EEF1AKMT1: variants seen among roughly 807,000 people sequenced by gnomAD.
EEF1AKMT1 encodes the protein N-6 adenine-specific DNA methyltransferase 2 (putative).
Under a neutral mutation model 21.0 loss-of-function variants are expected in EEF1AKMT1, and 18 were observed. The observed-to-expected ratio is 0.86, with a 90% CI of 0.59 to 1.27. The LOEUF (loss-of-function observed/expected upper bound fraction) is 1.27, where lower values mean the gene tolerates loss of function less well. Among genes scored for constraint, EEF1AKMT1 ranks in the 50% most tolerant of loss-of-function variants. The pLI, the probability that EEF1AKMT1 is intolerant of heterozygous loss-of-function variation, is 0.00. For synonymous variants in EEF1AKMT1, 109 were observed against 94.8 expected, an observed-to-expected ratio of 1.15 and a Z score of -0.87; for missense variants, 246 against 258.6, an observed-to-expected ratio of 0.95 and a Z score of 0.33.
intron 2 of EEF1AKMT1, among the ~76,000 whole-genome samples, chr13:20,739,128 A>C (rs996344577): frequency 6.6e-6 from 1 of 152,080 alleles, no homozygotes; most frequent in African/African-American, 2.4e-5. Context: ...TACAACTCCT[A>C]AGATGGCACA....
intron 2 of EEF1AKMT1, among the ~76,000 whole-genome samples, chr13:20,739,103 C>T (rs974314789): frequency 1.3e-5 from 2 of 152,072 alleles, no homozygotes; most frequent in African/African-American, 2.4e-5. Flanking sequence ...AGCTGCAGAC[C>T]TTCGCCAAGA....
intron 4 of EEF1AKMT1, among the ~76,000 whole-genome samples, chr13:20,730,412 C>G (rs73435270): frequency 0.032 from 4,832 of 152,298 alleles, 220 homozygotes; most frequent in African/African-American, 0.093. Context: ...CCCGGAGGGA[C>G]TGGGGTATAG....
chr13:20,748,726 G>GTTGTTGTTGTTTTTT (rs2058924339), intron 2 of EEF1AKMT1, among the ~76,000 whole-genome samples: 1 of 72,620 alleles, frequency 1.4e-5, no homozygotes, highest in Non-Finnish European at 2.2e-5. Context: ...TTTTTTTTTG[G>GTTGTTGTTGTTTTTT]TTTTTTTTTT....
In EEF1AKMT1 at chr13:20,729,048, G is replaced by A; in HGVS notation, c.*32C>T. 7.4e-6 allele frequency: 12 copies of A among 1,612,736 alleles called. No homozygotes were observed. Among genetic ancestry groups the A allele is most frequent in the Non-Finnish European group, 9.3e-6 (11 of 1,178,960 alleles). On this transcript the variant is annotated 3_prime_UTR_variant, in exon 5 of 5. Coordinates refer to ENST00000382758, the MANE Select transcript of EEF1AKMT1 (RefSeq NM_001318939.2). The stretch of plus-strand genomic sequence containing the variant: ...AAATACAAAAAGAGGAATGTGACAG[G>A]GTTCCTTCCTGTGTTATGTCACCGT...
intron 2 of EEF1AKMT1, 125 bp from the exon 3 acceptor site, chr13:20,737,930 G>C (rs2058835498): frequency 2.0e-6 from 1 of 511,898 alleles, no homozygotes; most frequent in Non-Finnish European, 3.3e-6. Context: ...ATCTATACCA[G>C]TGGACAGATA....
rs373629478 is a variant in EEF1AKMT1 at position 20,760,036 on chromosome 13, C to T, written c.-19-2419G>A. On this transcript the variant is annotated intron_variant, in intron 1 of 4. Coordinates refer to ENST00000382758, the MANE Select transcript of EEF1AKMT1 (RefSeq NM_001318939.2). ...AGGAGAATGGCGCGAACCCGGGAGG[C>T]GGAGCTTGCAGTGAGCTGAGATTGC... Among the ~76,000 whole-genome samples, 134 of 137,598 alleles carry T rather than the reference C, an allele frequency of 9.7e-4. 3 individuals carry two copies. In the South Asian group the frequency reaches 0.029, roughly 30 times the overall value. 90.3% of individuals were successfully genotyped at this position (137,598 alleles called of 152,430 possible). A position where few individuals can be genotyped will look rare whatever the true frequency, so the allele number is the denominator to read the frequency against.
intron 2 of EEF1AKMT1, among the ~76,000 whole-genome samples, chr13:20,739,336 C>T (rs182518081): frequency 6.6e-6 from 1 of 152,206 alleles, no homozygotes; most frequent in Admixed American, 6.5e-5. Flanking sequence ...GCATGGAAGG[C>T]AACCCAAGAG....
rs548767598 is a variant in EEF1AKMT1 at position 20,738,454 on chromosome 13, G to C, written c.145-649C>G. 3.3e-5 allele frequency among the ~76,000 whole-genome samples: 5 copies of C among 152,296 alleles called. No individual in the cohort carries two copies. In the South Asian group the frequency reaches 1.0e-3, roughly 32 times the overall value. On this transcript the variant is annotated intron_variant, in intron 2 of 4. Transcript: ENST00000382758. ...GGAAGAAGTAGCATGGTTTTCCTCT[G>C]CAATCCTACAAACCTATTTCTCCAA...
chr13:20,730,639 T>A (rs1220959876), intron 4 of EEF1AKMT1, among the ~76,000 whole-genome samples: 1 of 152,138 alleles, frequency 6.6e-6, no homozygotes, highest in Non-Finnish European at 1.5e-5. Context: ...CAGCTGGACT[T>A]CCTGGGTCTA....
chr13:20,763,764 TG>T (rs2059013076), intron 1 of EEF1AKMT1, among the ~76,000 whole-genome samples: 1 of 152,180 alleles, frequency 6.6e-6, no homozygotes, highest in South Asian at 2.1e-4. Context: ...GAAAATTTCT[TG>T]TATGAGAGGC....
At chr13:20,764,209 C>T (rs931244198) in intron 1 of EEF1AKMT1, among the ~76,000 whole-genome samples, 2 of 152,088 alleles carry the variant, frequency 1.3e-5, no homozygotes, top group Admixed American at 1.3e-4. Context: ...GTGTTCAGTG[C>T]TTTAAATTCC....
At chr13:20,745,057 C>A (rs1296162088) in intron 2 of EEF1AKMT1, among the ~76,000 whole-genome samples, 1 of 152,086 alleles carries the variant, frequency 6.6e-6, no homozygotes, top group Non-Finnish European at 1.5e-5. Flanking sequence ...TCTGTTTTGG[C>A]AACAGTGCCA....
At chr13:20,763,833 T>C (rs758321212) in intron 1 of EEF1AKMT1, among the ~76,000 whole-genome samples, 18 of 152,206 alleles carry the variant, frequency 1.2e-4, no homozygotes, top group Non-Finnish European at 2.1e-4. Context: ...CAGTTTCATA[T>C]GGGGTGAGTT....
intron 1 of EEF1AKMT1, among the ~76,000 whole-genome samples, chr13:20,765,405 GT>G (rs1171165259): frequency 3.5e-3 from 204 of 58,662 alleles, no homozygotes; most frequent in African/African-American, 8.9e-3. Flanking sequence ...CTTCCCTTGG[GT>G]TTTTTTTTTT....
At chr13:20,737,409 CA>C (rs1470392980) in intron 3 of EEF1AKMT1, among the ~76,000 whole-genome samples, 2 of 151,934 alleles carry the variant, frequency 1.3e-5, no homozygotes, top group East Asian at 3.9e-4. Context: ...ATCAAATTAA[CA>C]AAAAAGAAAA....
At chr13:20,766,872 C>T (rs2059036475) in intron 1 of EEF1AKMT1, among the ~76,000 whole-genome samples, 1 of 151,992 alleles carries the variant, frequency 6.6e-6, no homozygotes. Context: ...GAATAGTATA[C>T]ATAAATCCAT....
chr13:20,728,994 A>G lies in EEF1AKMT1; in HGVS notation c.*86T>C, dbSNP rs1399456044. On this transcript the variant is annotated 3_prime_UTR_variant, in exon 5 of 5. Coordinates refer to ENST00000382758, the MANE Select transcript of EEF1AKMT1 (RefSeq NM_001318939.2). ...ACAGCTCCAGTTTGGGGGGAGGGGA[A>G]GAGATTATAACTTTTAAATCTACTA... is the stretch of plus-strand genomic sequence containing the variant. The G allele has an allele frequency of 2.7e-6, 4 of 1,491,146 alleles. No homozygotes were observed. The African/African-American group carries it at 5.5e-5, about 21-fold the overall frequency. 92.4% of individuals were successfully genotyped at this position (1,491,146 alleles called of 1,614,324 possible). A position where few individuals can be genotyped will look rare whatever the true frequency, so the allele number is the denominator to read the frequency against.
intron 1 of EEF1AKMT1, among the ~76,000 whole-genome samples, chr13:20,763,699 C>A (rs7990231): frequency 1.3e-5 from 2 of 151,912 alleles, no homozygotes. Flanking sequence ...GTGATCTGCC[C>A]GCCTAGGTCT....
At chr13:20,762,175 C>CTTT (rs57340074) in intron 1 of EEF1AKMT1, among the ~76,000 whole-genome samples, 11 of 131,332 alleles carry the variant, frequency 8.4e-5, no homozygotes, top group African/African-American at 2.9e-4. Flanking sequence ...TTTCATCAGT[C>CTTT]TTTTTTTTTT....
Sources: gnomAD v4.1 joint callset for allele counts (sites outside exome capture counted in the v4.1 genomes callset) on GRCh38, gnomAD v4.1.1 for gene constraint, MANE v1.5 for transcripts, NCBI Gene and HGNC (gene_info 2026-07-23, HGNC 2026-07-21) for gene names.